YWHAQ: variants seen among roughly 807,000 people sequenced by gnomAD.
YWHAQ encodes 14-3-3 protein theta.
YWHAQ carries 6 observed loss-of-function variants against 28.3 expected under a neutral mutation model. The observed-to-expected ratio is 0.21, with a 90% CI of 0.12 to 0.42. YWHAQ has a LOEUF of 0.42. Among genes scored for constraint, YWHAQ ranks in the 10% least tolerant of loss-of-function variants. YWHAQ has a pLI of 1.00. For synonymous variants in YWHAQ, 143 were observed against 119.1 expected (o/e 1.20, Z -1.31); for missense variants, 201 against 305.6 (o/e 0.66, Z 2.55).
In YWHAQ at chr2:9,601,454, G is replaced by A. The variant is rs186090545; in HGVS notation, c.295-9939C>T. On this transcript the variant is annotated intron_variant, in intron 2 of 5. Transcript: ENST00000238081. ...GCATTCCAGCCTGGACAACAAGAGT[G>A]AAACTCCACCTCAAAAAAACAAACA... Among the ~76,000 whole-genome samples, 275 of 152,142 alleles carry A rather than the reference G, an allele frequency of 1.8e-3. 1 individual carries two copies. In the Middle Eastern group the frequency reaches 0.02, roughly 11 times the overall value.
At chr2:9,605,466 A>C (rs1212752140) in intron 2 of YWHAQ, among the ~76,000 whole-genome samples, 1 of 152,114 alleles carries the variant, frequency 6.6e-6, no homozygotes, top group African/African-American at 2.4e-5. Flanking sequence ...CCTTCAGGGA[A>C]TACTTTTTTA....
At chr2:9,616,572 A>G (rs138405109) in intron 2 of YWHAQ, among the ~76,000 whole-genome samples, 56 of 147,474 alleles carry the variant, frequency 3.8e-4, no homozygotes, top group African/African-American at 1.3e-3. Context: ...TATCCATAAT[A>G]TATTTAAAAA....
At chr2:9,600,095 G>C (rs1457827036) in intron 2 of YWHAQ, among the ~76,000 whole-genome samples, 1 of 152,214 alleles carries the variant, frequency 6.6e-6, no homozygotes, top group Non-Finnish European at 1.5e-5. Flanking sequence ...TCCACCTGCA[G>C]ATGTGGTAGA....
intron 2 of YWHAQ, among the ~76,000 whole-genome samples, chr2:9,623,066 T>C (rs1667172196): frequency 6.6e-6 from 1 of 152,224 alleles, no homozygotes; most frequent in South Asian, 2.1e-4. Flanking sequence ...AAGCAACACC[T>C]TGACTGAACT....
intron 2 of YWHAQ, among the ~76,000 whole-genome samples, chr2:9,620,019 A>G (rs918414720): frequency 6.6e-6 from 1 of 152,358 alleles, no homozygotes; most frequent in Non-Finnish European, 1.5e-5. Context: ...TCAGGAATAA[A>G]ATGTCTAATC....
rs372759767 is a variant in YWHAQ at position 9,630,579 on chromosome 2, G to A, written c.-82-45C>T. On this transcript the variant is annotated intron_variant, in intron 1 of 5. Coordinates refer to ENST00000238081, the MANE Select transcript of YWHAQ (RefSeq NM_006826.4). The surrounding 1 kb of genome is among the most constrained non-coding windows in gnomAD (Gnocchi z 5.6). ...CGAGGCGAGAACAAAAAGCAGAGAG[G>A]GAGCGCCGTCAGACAATGCGGCCCG... 47 of 966,536 alleles carry A rather than the reference G, an allele frequency of 4.9e-5. No homozygotes were observed. The East Asian group carries it at 6.6e-4, about 14-fold the overall frequency. The allele number at this position is 966,536 out of a possible 1,614,324, so 59.9% of individuals were successfully genotyped here. A position where few individuals can be genotyped will look rare whatever the true frequency, so the allele number is the denominator to read the frequency against.
intron 2 of YWHAQ, among the ~76,000 whole-genome samples, chr2:9,608,691 G>A (rs1000156104): frequency 6.6e-6 from 1 of 152,218 alleles, no homozygotes; most frequent in Non-Finnish European, 1.5e-5. Flanking sequence ...GCTCACGCCT[G>A]TAATCCCAAC....
chr2:9,601,109 T>C (rs1666683947), intron 2 of YWHAQ, among the ~76,000 whole-genome samples: 1 of 152,192 alleles, frequency 6.6e-6, no homozygotes, highest in African/African-American at 2.4e-5. Context: ...TTATTTTCAT[T>C]CTTAGAAATA....
rs1667348423 is a variant in YWHAQ, at chr2:9,630,500, C to T, written c.-48G>A. ...GGGCGGAGGGCGAGGAGAGCGAGGG[C>T]GAGCGCCGACCCGCAGCGGGAGGAG... On this transcript the variant is annotated 5_prime_UTR_variant, in exon 2 of 6. Transcript: ENST00000238081. The surrounding 1 kb of genome is among the most constrained non-coding windows in gnomAD (Gnocchi z 5.6). The T allele has an allele frequency of 6.7e-7, 1 of 1,493,642 alleles. No individual in the cohort carries two copies. The highest frequency in any genetic ancestry group is 8.9e-7 in the Non-Finnish European group (1 of 1,123,196). 92.5% of individuals were successfully genotyped at this position (1,493,642 alleles called of 1,614,324 possible).
chr2:9,590,374 TAC>T (rs1190479715), intron 3 of YWHAQ, among the ~76,000 whole-genome samples: 1 of 152,222 alleles, frequency 6.6e-6, no homozygotes, highest in East Asian at 1.9e-4. Flanking sequence ...GTTTCTCAGG[TAC>T]AAGTTCTCTT....
At chr2:9,597,959 A>G (rs1425466436) in intron 2 of YWHAQ, among the ~76,000 whole-genome samples, 1 of 143,684 alleles carries the variant, frequency 7.0e-6, no homozygotes, top group Non-Finnish European at 1.5e-5. Context: ...AACTGGGACT[A>G]CAGGCATGCA....
intron 2 of YWHAQ, among the ~76,000 whole-genome samples, chr2:9,628,046 A>G (rs1435585085): frequency 6.6e-6 from 1 of 152,248 alleles, no homozygotes; most frequent in African/African-American, 2.4e-5. Context: ...ATTATAAATC[A>G]TCAGAGGGCA....
intron 2 of YWHAQ, among the ~76,000 whole-genome samples, chr2:9,606,523 C>CTGTG (rs375948662): frequency 6.6e-6 from 1 of 151,922 alleles, no homozygotes; most frequent in Admixed American, 6.6e-5. Flanking sequence ...GAACATCTGT[C>CTGTG]TGTGTGTGTG....
Position 9,630,210 on chromosome 2 carries a change from G to C in YWHAQ, c.243C>G (p.Asp81Glu), listed in dbSNP as rs1027369792. ...TSDKKLQLIK[D>E]YREKVESELR... Reference sequence around the variant, plus strand: ...GCTCGGACTCCACTTTCTCCCGATAGTCCTTAATCAGCTGCAACTTCTTGT... The same window carrying C: ...GCTCGGACTCCACTTTCTCCCGATACTCCTTAATCAGCTGCAACTTCTTGT... Residue 81 changes from aspartate to glutamate, a missense_variant, in exon 2 of 6, where the codon GAC becomes GAG. Coordinates refer to ENST00000238081, the MANE Select transcript of YWHAQ (RefSeq NM_006826.4). This position sits in a 1 kb window ranked among gnomAD's most constrained non-coding sequence, Gnocchi z 5.6. 1 of 1,613,938 alleles carries C rather than the reference G, an allele frequency of 6.2e-7. No homozygotes were observed. The highest frequency in any genetic ancestry group is 1.3e-5 in the African/African-American group (1 of 74,946).
chr2:9,612,384 A>G (rs568419604), intron 2 of YWHAQ, among the ~76,000 whole-genome samples: 2 of 152,308 alleles, frequency 1.3e-5, no homozygotes, highest in South Asian at 4.1e-4. Flanking sequence ...CTGCAGACTC[A>G]AGGTCCTGCA....
intron 2 of YWHAQ, among the ~76,000 whole-genome samples, chr2:9,601,618 G>A (rs1299499588): frequency 2.0e-5 from 3 of 152,158 alleles, no homozygotes; most frequent in Non-Finnish European, 2.9e-5. Flanking sequence ...CACACGTGAT[G>A]CCATCCATAA....
At chr2:9,629,935 A>C (rs976217680) in intron 2 of YWHAQ, among the ~76,000 whole-genome samples, 1 of 152,004 alleles carries the variant, frequency 6.6e-6, no homozygotes, top group Non-Finnish European at 1.5e-5. Flanking sequence ...TTTGGTAGCT[A>C]CCCAGCATCT....
At position 9,588,090 on chromosome 2, in the gene YWHAQ, A is replaced by G. The variant is rs984864200; in HGVS notation, c.582+75T>C. On this transcript the variant is annotated intron_variant, in intron 4 of 5. Transcript: ENST00000238081. The stretch of plus-strand genomic sequence containing the variant: ...AATCATCCCTGGGTATCCAAGTAAA[A>G]TACCTATAAATTAACATACCTGGTA... 27 of 1,459,992 alleles carry G rather than the reference A, an allele frequency of 1.8e-5. No homozygotes were observed. In the East Asian group the frequency reaches 6.7e-4, roughly 36 times the overall value. The allele number at this position is 1,459,992 out of a possible 1,614,324, so 90.4% of individuals were successfully genotyped here. A position where few individuals can be genotyped will look rare whatever the true frequency, so the allele number is the denominator to read the frequency against.
rs1388084707 is a variant in YWHAQ at position 9,585,034 on chromosome 2, T to C, written c.*252A>G. ...ATTTTTAGTCCTCTACATAAGTGTT[T>C]GGGAGTTACTTATGTTTATATGAAA... On this transcript the variant is annotated 3_prime_UTR_variant, in exon 6 of 6. Transcript: ENST00000238081. The C allele has an allele frequency of 2.1e-6, 1 of 482,938 alleles. No individual in the cohort carries two copies. Among genetic ancestry groups the C allele is most frequent in the African/African-American group, 2.0e-5 (1 of 51,252 alleles). 29.9% of individuals were successfully genotyped at this position (482,938 alleles called of 1,614,324 possible).
Sources: allele counts gnomAD v4.1 joint callset (sites outside exome capture counted in the v4.1 genomes callset), GRCh38; gene constraint gnomAD v4.1.1; non-coding constraint Gnocchi (gnomAD v3.1); transcripts MANE v1.5; gene names NCBI Gene and HGNC (gene_info 2026-07-23, HGNC 2026-07-21).